Variants in ACSL6 observed in about 807,000 individuals in gnomAD.
ACSL6 encodes long-chain-fatty-acid--CoA ligase 6.
A neutral mutation model predicts 98.2 loss-of-function variants in ACSL6; 47 were observed. That is an observed-to-expected ratio of 0.48 (90% CI 0.38 to 0.61). The LOEUF is 0.61. Ranked by LOEUF, ACSL6 falls within the 20% of genes least tolerant of loss-of-function variation. The pLI is 0.00. For synonymous variants in ACSL6, 362 were observed against 336.9 expected (o/e 1.07, Z -0.82); for missense variants, 761 against 913.4 (o/e 0.83, Z 2.15).
At chr5:132,003,963 G>A (rs1755238297) in intron 1 of ACSL6, among the ~76,000 whole-genome samples, 1 of 152,206 alleles carries the variant, frequency 6.6e-6, no homozygotes, top group South Asian at 2.1e-4. Context: ...TCACAGTGTT[G>A]ATGGTAAACA....
chr5:131,988,956 G>A, intron 5 of ACSL6, 52 bp from the exon 6 acceptor site: 2 of 1,530,514 alleles, frequency 1.3e-6, no homozygotes, highest in African/African-American at 1.4e-5. Flanking sequence ...TTAGAGGGCT[G>A]TCCTGCCCTT....
rs140154524 is a variant in ACSL6, at chr5:131,963,454, T to A, written c.1714-776A>T. On this transcript the variant is annotated intron_variant, in intron 17 of 20. Coordinates refer to ENST00000651883, the MANE Select transcript of ACSL6 (RefSeq NM_001009185.3). ...CAAGTCAGTTCAAGCTTCCAGCTCT[T>A]CACTGAGCTCCAGATCCAGAACCCA... Among the ~76,000 whole-genome samples the A allele has an allele frequency of 3.8e-3, 583 of 152,338 alleles. 6 individuals are homozygous for A. Among genetic ancestry groups the A allele is most frequent in the South Asian group, 0.017 (83 of 4,828 alleles).
rs1754336577 is a variant in ACSL6 at position 131,988,751 on chromosome 5, G to A, written c.652+54C>T. 7 of 1,584,638 alleles carry A rather than the reference G, an allele frequency of 4.4e-6. No individual in the cohort carries two copies. The East Asian group carries it at 6.7e-5, about 15-fold the overall frequency. On this transcript the variant is annotated intron_variant, in intron 6 of 20. Transcript: ENST00000651883. ...ATCAGCATAACCTGAGAAGCTGGAG[G>A]CTGGAGGCTGGGGACCAGTTGCCAG...
In ACSL6 at chr5:131,994,136, G is replaced by T. The variant is rs1041839839; in HGVS notation, c.165C>A (p.Leu55=). The change falls in exon 2 of 21, where the codon CTC becomes CTA. Residue 55 remains leucine (L), a synonymous_variant. Transcript: ENST00000651883. The stretch of plus-strand genomic sequence containing the variant: ...TGGCAGCCAGGGCACCCATACTCAC[G>T]AGGGTGGTGGCCGAGAGGCTGCGGA... ...QFFRSLSATT[L]VSMGALAAIL... is the part of the protein sequence containing the mutation. 1 of 1,614,214 alleles carries T rather than the reference G, an allele frequency of 6.2e-7. No homozygotes were observed. Among genetic ancestry groups the T allele is most frequent in the Non-Finnish European group, 8.5e-7 (1 of 1,180,038 alleles).
At chr5:131,987,301 C>T (rs767668707) in intron 7 of ACSL6, among the ~76,000 whole-genome samples, 1 of 152,196 alleles carries the variant, frequency 6.6e-6, no homozygotes, top group African/African-American at 2.4e-5. Flanking sequence ...GCTCTTGGCA[C>T]GGCTGGGCAC....
At chr5:131,974,797 G>A in intron 11 of ACSL6, 96 bp downstream of exon 11, 1 of 1,612,810 alleles carries the variant, frequency 6.2e-7, no homozygotes, top group South Asian at 1.1e-5. Flanking sequence ...AAGGCAAATA[G>A]GAAATGTGCA....
At chr5:131,987,678 C>A (rs1754270764) in intron 7 of ACSL6, among the ~76,000 whole-genome samples, 1 of 152,226 alleles carries the variant, frequency 6.6e-6, no homozygotes, top group African/African-American at 2.4e-5. Flanking sequence ...GTAAGAACCT[C>A]TCCCAGACTC....
intron 1 of ACSL6, among the ~76,000 whole-genome samples, chr5:131,996,321 CT>C (rs1209032776): frequency 3.3e-5 from 5 of 152,210 alleles, no homozygotes; most frequent in Non-Finnish European, 7.3e-5. Flanking sequence ...CTGGAGAAGA[CT>C]CTGGGTAGGT....
At chr5:132,008,862 T>C (rs1457500064) in intron 1 of ACSL6, among the ~76,000 whole-genome samples, 2 of 152,228 alleles carry the variant, frequency 1.3e-5, no homozygotes, top group African/African-American at 4.8e-5. Flanking sequence ...GAGGAAGGTG[T>C]GCCCTTTTAG....
intron 19 of ACSL6, among the ~76,000 whole-genome samples, chr5:131,959,971 A>C (rs1752614342): frequency 6.6e-6 from 1 of 152,200 alleles, no homozygotes; most frequent in Non-Finnish European, 1.5e-5. Context: ...ATGTGACTCA[A>C]GGGGCTACAC....
chr5:131,974,607 G>A, intron 11 of ACSL6: 1 of 823,474 alleles, frequency 1.2e-6, no homozygotes, highest in Non-Finnish European at 1.9e-6. Context: ...GACAAGTGGG[G>A]TGGCTAAAGT....
intron 20 of ACSL6, among the ~76,000 whole-genome samples, chr5:131,957,860 A>G (rs571399825): frequency 6.6e-6 from 1 of 152,330 alleles, no homozygotes; most frequent in South Asian, 2.1e-4. Context: ...TGGCTATGGT[A>G]GGGAGGATGT....
chr5:131,980,934 C>T (rs908289432), intron 9 of ACSL6, among the ~76,000 whole-genome samples: 6 of 152,160 alleles, frequency 3.9e-5, no homozygotes, highest in African/African-American at 1.4e-4. Flanking sequence ...CCCAGAGGGG[C>T]TCTCTTCCCA....
chr5:131,982,604 C>T (rs13153324), intron 9 of ACSL6: 19,130 of 152,460 alleles, frequency 0.13, 1,575 homozygotes, highest in Non-Finnish European at 0.19. Context: ...CCCTCATGCT[C>T]GTGCCCTCAA....
chr5:131,972,140 A>T (rs1753342445), intron 13 of ACSL6, among the ~76,000 whole-genome samples: 1 of 152,252 alleles, frequency 6.6e-6, no homozygotes, highest in Admixed American at 6.5e-5. Context: ...TTGAGCCAAG[A>T]TATTTTAAAT....
chr5:131,975,597 CAA>C (rs749575900), intron 10 of ACSL6: 175 of 912,362 alleles, frequency 1.9e-4, no homozygotes, highest in Admixed American at 4.0e-4. Flanking sequence ...CCTGGCCTCA[CAA>C]GCCATCCCTG....
In ACSL6 at chr5:131,988,950, A is replaced by G. The variant is rs772700393; in HGVS notation, c.553-46T>C. On this transcript the variant is annotated intron_variant, in intron 5 of 20. Transcript: ENST00000651883. ...GGGGTGGGGAAGAAGGGGAGATTAG[A>G]GGGCTGTCCTGCCCTTAGGCCTAGG... The G allele has an allele frequency of 1.9e-6, 3 of 1,557,308 alleles. No homozygotes were observed. In the East Asian group the frequency reaches 6.7e-5, roughly 35 times the overall value.
At chr5:131,963,130 C>T (rs998828470) in intron 17 of ACSL6, among the ~76,000 whole-genome samples, 8 of 152,326 alleles carry the variant, frequency 5.3e-5, no homozygotes, top group African/African-American at 1.9e-4. Context: ...GTCTCCACCC[C>T]TAAAGAGCAG....
At chr5:131,966,639 C>T (rs768035111) in intron 16 of ACSL6, 107 bp from the exon 17 acceptor site, 11 of 943,624 alleles carry the variant, frequency 1.2e-5, no homozygotes, top group Non-Finnish European at 1.9e-5. Flanking sequence ...ATCAGGAAAG[C>T]CACTGTGGAT....
Sources: gnomAD v4.1 joint callset for allele counts (sites outside exome capture counted in the v4.1 genomes callset) on GRCh38, gnomAD v4.1.1 for gene constraint, MANE v1.5 for transcripts, NCBI Gene and HGNC (gene_info 2026-07-23, HGNC 2026-07-21) for gene names.